The following IL1R1 variants were observed in gnomAD, a reference collection of about 807,000 sequenced individuals.
IL1R1 encodes interleukin-1 receptor type 1.
A neutral mutation model predicts 50.2 loss-of-function variants in IL1R1; 22 were observed. The ratio of observed to expected loss-of-function variants is 0.44; its 90% confidence interval spans 0.31 to 0.63. The LOEUF (loss-of-function observed/expected upper bound fraction) is 0.63, where lower values mean the gene tolerates loss of function less well. Ranked by LOEUF, IL1R1 falls within the 20% of genes least tolerant of loss-of-function variation. IL1R1 has a pLI of 0.07. For missense variants in IL1R1, 509 were observed against 676.2 expected, an observed-to-expected ratio of 0.75 and a Z score of 2.74; for synonymous variants, 251 against 236.7, an observed-to-expected ratio of 1.06 and a Z score of -0.55.
At chr2:102,160,794 G>T (rs561831952) in intron 3 of IL1R1, among the ~76,000 whole-genome samples, 1 of 152,138 alleles carries the variant, frequency 6.6e-6, no homozygotes, top group Non-Finnish European at 1.5e-5. Context: ...TGCTGGCCTA[G>T]GCTTTCCTTT....
chr2:102,153,575 T>G (rs1049638034), intron 1 of IL1R1, among the ~76,000 whole-genome samples: 1 of 152,158 alleles, frequency 6.6e-6, no homozygotes. Context: ...CAGGGAGGGA[T>G]CTGGTGGGAG....
At chr2:102,126,357 G>T (rs986310251) in intron 1 of IL1R1, among the ~76,000 whole-genome samples, 1 of 152,222 alleles carries the variant, frequency 6.6e-6, no homozygotes, top group Admixed American at 6.5e-5. Context: ...AATAACATGA[G>T]TGGCATTGCT....
Position 102,081,447 on chromosome 2 carries a change from C to T in IL1R1, c.-84+10914C>T, listed in dbSNP as rs1679204110. On this transcript the variant is annotated intron_variant, in intron 1 of 11. Coordinates refer to the IL1R1 transcript ENST00000409929. ...TGTACCAGGGCATCTACCAGCCTGG[C>T]TCCACGGTGGTTTCAGGCATTGCTC... Among the ~76,000 whole-genome samples the T allele has an allele frequency of 2.6e-5, 4 of 152,284 alleles. No individual in the cohort carries two copies. In the South Asian group the frequency reaches 8.3e-4, roughly 32 times the overall value.
At chr2:102,121,692 C>G (rs924198961) in intron 1 of IL1R1, among the ~76,000 whole-genome samples, 1 of 152,174 alleles carries the variant, frequency 6.6e-6, no homozygotes, top group African/African-American at 2.4e-5. Flanking sequence ...ATACCATTTT[C>G]TCTCTCTCAA....
intron 1 of IL1R1, among the ~76,000 whole-genome samples, chr2:102,148,956 A>G (rs1683398554): frequency 1.8e-5 from 1 of 56,578 alleles, no homozygotes; most frequent in South Asian, 6.6e-4. Flanking sequence ...AAACAAACAA[A>G]CAAACAAACA....
chr2:102,128,804 G>A (rs1681867389), intron 1 of IL1R1, among the ~76,000 whole-genome samples: 2 of 152,206 alleles, frequency 1.3e-5, no homozygotes, highest in South Asian at 4.1e-4. Flanking sequence ...GGGGGAAAAC[G>A]ATCAGTTTTG....
intron 2 of IL1R1, 85 bp from the exon 3 acceptor site, chr2:102,157,634 C>G: frequency 1.2e-6 from 1 of 805,454 alleles, no homozygotes; most frequent in Non-Finnish European, 2.1e-6. Flanking sequence ...GGGACAGGGC[C>G]GGTGTTGGTA....
intron 3 of IL1R1, among the ~76,000 whole-genome samples, chr2:102,158,817 T>G (rs1684439748): frequency 6.6e-6 from 1 of 152,078 alleles, no homozygotes; most frequent in Admixed American, 6.6e-5. Flanking sequence ...GTTTTGAGAA[T>G]AGATCCGAGG....
chr2:102,143,751 G>C (rs1257372747), intron 1 of IL1R1, among the ~76,000 whole-genome samples: 1 of 152,198 alleles, frequency 6.6e-6, no homozygotes. Flanking sequence ...CTGCACTGCC[G>C]GGAGGAAGGA....
At chr2:102,101,827 T>C (rs914917712), upstream of IL1R1, among the ~76,000 whole-genome samples, 6 of 152,252 alleles carry the variant, frequency 3.9e-5, no homozygotes, top group African/African-American at 1.4e-4. Flanking sequence ...TTCTATACTT[T>C]AGCATTCATA....
At chr2:102,144,720 T>C (rs1682965969) in intron 1 of IL1R1, among the ~76,000 whole-genome samples, 1 of 152,132 alleles carries the variant, frequency 6.6e-6, no homozygotes, top group Non-Finnish European at 1.5e-5. Context: ...GTCTTTGAAA[T>C]CCGCCCCTTT....
At chr2:102,103,955 C>G (rs1680265504), upstream of IL1R1, among the ~76,000 whole-genome samples, 1 of 140,706 alleles carries the variant, frequency 7.1e-6, no homozygotes, top group African/African-American at 2.7e-5. Flanking sequence ...TGTGACATTG[C>G]ACTCCAGCCT....
At chr2:102,151,881 G>A (rs980959517) in intron 1 of IL1R1, among the ~76,000 whole-genome samples, 5 of 152,166 alleles carry the variant, frequency 3.3e-5, no homozygotes, top group African/African-American at 4.8e-5. Context: ...GCTTATAAAC[G>A]GCAAGGTAGG....
intron 1 of IL1R1, among the ~76,000 whole-genome samples, chr2:102,118,337 C>T (rs1016736598): frequency 8.7e-4 from 133 of 152,310 alleles, no homozygotes; most frequent in African/African-American, 3.1e-3. Flanking sequence ...TCCCATACAC[C>T]TCGCCCTGCA....
At position 102,168,632 on chromosome 2, in the gene IL1R1, C is replaced by T. The variant is rs150045652; in HGVS notation, c.690C>T (p.Ser230=). 46 of 1,613,430 alleles carry T rather than the reference C, an allele frequency of 2.9e-5. No homozygotes were observed. The African/African-American group carries it at 4.5e-4, about 16-fold the overall frequency. The change falls in exon 7 of 12, where the codon AGC becomes AGT. Residue 230 remains serine, a synonymous_variant. Transcript: ENST00000410023. ...ENKPTRPVIV[S]PANETMEVDL... Reference sequence around the variant, plus strand: ...AACCCACAAGGCCTGTGATTGTGAGCCCAGCTAATGAGACAATGGAAGTAG... The same window carrying T: ...AACCCACAAGGCCTGTGATTGTGAGTCCAGCTAATGAGACAATGGAAGTAG...
At chr2:102,173,790 T>TA in intron 9 of IL1R1, among the ~76,000 whole-genome samples, 1 of 152,164 alleles carries the variant, frequency 6.6e-6, no homozygotes, top group East Asian at 1.9e-4. Context: ...TAGGGAACTG[T>TA]AAAGGACCAA....
chr2:102,156,236 A>G (rs1241017888), intron 2 of IL1R1: 2 of 152,630 alleles, frequency 1.3e-5, no homozygotes, highest in African/African-American at 2.4e-5. Flanking sequence ...TCATCTGTAA[A>G]TAGTTTAAAG....
At chr2:102,138,944 T>C (rs1361368872), upstream of IL1R1, among the ~76,000 whole-genome samples, 1 of 152,182 alleles carries the variant, frequency 6.6e-6, no homozygotes, top group African/African-American at 2.4e-5. Context: ...TAGAAAAAGA[T>C]CTCACTAATT....
chr2:102,118,157 AC>A (rs1681193148), intron 1 of IL1R1, among the ~76,000 whole-genome samples: 1 of 152,026 alleles, frequency 6.6e-6, no homozygotes, highest in African/African-American at 2.4e-5. Context: ...TTTCAGTCCT[AC>A]CCCCATCCTC....
Sources: gnomAD v4.1 joint callset for allele counts (sites outside exome capture counted in the v4.1 genomes callset) on GRCh38, gnomAD v4.1.1 for gene constraint, MANE v1.5 for transcripts, NCBI Gene and HGNC (gene_info 2026-07-23, HGNC 2026-07-21) for gene names.